The following GRID1 variants were observed in gnomAD, a reference collection of about 807,000 sequenced individuals.
GRID1 encodes glutamate receptor ionotropic, delta-1.
A neutral mutation model predicts 98.0 loss-of-function variants in GRID1; 28 were observed. The ratio of observed to expected loss-of-function variants is 0.29; its 90% CI spans 0.21 to 0.39. The LOEUF is 0.39. Among genes scored for constraint, GRID1 ranks in the 10% least tolerant of loss-of-function variants. The probability of loss-of-function intolerance (pLI) is 1.00; values close to 1 mark genes in which losing one functional copy is unlikely to be tolerated. For missense variants in GRID1, 1,111 were observed against 1,340.5 expected (o/e 0.83, Z 2.67); for synonymous variants, 553 against 538.5 (o/e 1.03, Z -0.37).
chr10:86,191,822 C>G (rs182546694), intron 3 of GRID1, among the ~76,000 whole-genome samples: 1 of 152,188 alleles, frequency 6.6e-6, no homozygotes, highest in East Asian at 1.9e-4. Context: ...ACTCTGCCAG[C>G]ACTTGTCAGT....
At chr10:85,703,741 T>C (rs1841481041) in intron 12 of GRID1, among the ~76,000 whole-genome samples, 1 of 152,064 alleles carries the variant, frequency 6.6e-6, no homozygotes, top group African/African-American at 2.4e-5. Context: ...CCATAAAAAA[T>C]TTGAAATGCA....
chr10:85,908,782 C>T (rs944656894), intron 5 of GRID1, among the ~76,000 whole-genome samples: 3 of 151,994 alleles, frequency 2.0e-5, no homozygotes, highest in African/African-American at 4.8e-5. Flanking sequence ...AATTTCAAAT[C>T]GTATCGTAAA....
chr10:85,633,353 A>C (rs1466223015), intron 13 of GRID1, among the ~76,000 whole-genome samples: 4 of 152,258 alleles, frequency 2.6e-5, no homozygotes, highest in East Asian at 1.9e-4. Context: ...TACGAGAGCC[A>C]AATCCAGTTC....
At chr10:85,930,377 GTTAT>G (rs1458236968) in intron 4 of GRID1, among the ~76,000 whole-genome samples, 1 of 149,664 alleles carries the variant, frequency 6.7e-6, no homozygotes, top group Non-Finnish European at 1.5e-5. Flanking sequence ...TATATTTATA[GTTAT>G]TTATTTGTAG....
At chr10:86,272,433 T>C (rs964914631) in intron 2 of GRID1, among the ~76,000 whole-genome samples, 1 of 152,338 alleles carries the variant, frequency 6.6e-6, no homozygotes, top group Non-Finnish European at 1.5e-5. Flanking sequence ...CATGATGTTA[T>C]GTTGAAGTGG....
At chr10:86,311,199 A>G (rs189038704) in intron 2 of GRID1, among the ~76,000 whole-genome samples, 56 of 152,304 alleles carry the variant, frequency 3.7e-4, no homozygotes, top group Middle Eastern at 6.8e-3. Context: ...TACCATTGAC[A>G]AAAGGAGGGC....
intron 4 of GRID1, among the ~76,000 whole-genome samples, chr10:86,124,168 C>T (rs1362736274): frequency 6.6e-6 from 1 of 152,214 alleles, no homozygotes; most frequent in African/African-American, 2.4e-5. Flanking sequence ...GCAGAGACAA[C>T]ACCTTAACCC....
At chr10:86,127,281 G>C (rs1437030003) in intron 4 of GRID1, among the ~76,000 whole-genome samples, 1 of 152,156 alleles carries the variant, frequency 6.6e-6, no homozygotes, top group Non-Finnish European at 1.5e-5. Flanking sequence ...TCCAGGGATG[G>C]AGCCCATTCT....
At chr10:85,811,736 T>TGAAAAGAGCGAAAA (rs1199850725) in intron 8 of GRID1, among the ~76,000 whole-genome samples, 1 of 152,148 alleles carries the variant, frequency 6.6e-6, no homozygotes, top group Non-Finnish European at 1.5e-5. Flanking sequence ...ATTTGCATTA[T>TGAAAAGAGCGAAAA]GAGCAATCAG....
Position 85,723,234 on chromosome 10 carries a change from C to A in GRID1, c.1859-93G>T, listed in dbSNP as rs562553135. On this transcript the variant is annotated intron_variant, in intron 11 of 15. Coordinates refer to ENST00000327946, the MANE Select transcript of GRID1 (RefSeq NM_017551.3). ...TCTGCCCTGCAGCCAGGCACACAGG[C>A]CATCACTCGTGATGGGCTGGAACCA... The A allele has an allele frequency of 1.5e-4, 191 of 1,288,218 alleles. No homozygotes were observed. In the South Asian group the frequency reaches 2.0e-3, roughly 13 times the overall value. The allele number at this position is 1,288,218 out of a possible 1,614,324, so 79.8% of individuals were successfully genotyped here.
At chr10:85,886,522 C>T (rs918342108) in intron 5 of GRID1, among the ~76,000 whole-genome samples, 1 of 152,134 alleles carries the variant, frequency 6.6e-6, no homozygotes, top group Admixed American at 6.5e-5. Flanking sequence ...GCCAATTTCT[C>T]CAAATACGAG....
At chr10:85,628,271 A>G (rs1417021019) in intron 13 of GRID1, among the ~76,000 whole-genome samples, 1 of 151,458 alleles carries the variant, frequency 6.6e-6, no homozygotes. Context: ...TATGTGTGTG[A>G]ATGTATGTGA....
At chr10:85,990,480 A>G (rs1589327066) in intron 4 of GRID1, among the ~76,000 whole-genome samples, 1 of 152,224 alleles carries the variant, frequency 6.6e-6, no homozygotes. Context: ...CAAATACGTG[A>G]TAGGTGCTAA....
Position 86,041,159 on chromosome 10 carries a change from G to A in GRID1, c.726+97660C>T, listed in dbSNP as rs1402520871. The stretch of plus-strand genomic sequence containing the variant: ...CTTCACTCCACCTATTCATCCACAC[G>A]GAGACCTCCCAGAGCTCCTTGGTCC... On this transcript the variant is annotated intron_variant, in intron 4 of 15. Coordinates refer to ENST00000327946, the MANE Select transcript of GRID1 (RefSeq NM_017551.3). Among the ~76,000 whole-genome samples the A allele has an allele frequency of 3.3e-5, 5 of 152,216 alleles. No homozygotes were observed. The South Asian group carries it at 6.2e-4, about 19-fold the overall frequency.
intron 2 of GRID1, among the ~76,000 whole-genome samples, chr10:86,346,415 G>A (rs1392960294): frequency 6.6e-6 from 1 of 152,206 alleles, no homozygotes; most frequent in Non-Finnish European, 1.5e-5. Context: ...CCTGTGTTTG[G>A]AGGGCAGCTG....
chr10:86,342,551 C>T (rs1848323748), intron 2 of GRID1, among the ~76,000 whole-genome samples: 1 of 152,244 alleles, frequency 6.6e-6, no homozygotes, highest in South Asian at 2.1e-4. Flanking sequence ...GTTATATACC[C>T]AAGGGGGACT....
At chr10:85,714,682 A>G (rs1841618489) in intron 12 of GRID1, among the ~76,000 whole-genome samples, 1 of 152,122 alleles carries the variant, frequency 6.6e-6, no homozygotes, top group Non-Finnish European at 1.5e-5. Flanking sequence ...AATTACACCA[A>G]GGAGGTGAAA....
At chr10:85,670,402 C>T (rs1457029825) in intron 12 of GRID1, among the ~76,000 whole-genome samples, 1 of 152,102 alleles carries the variant, frequency 6.6e-6, no homozygotes, top group African/African-American at 2.4e-5. Context: ...TTAAACAAGC[C>T]CACTGTATTT....
At chr10:86,006,950 G>T (rs1842868604) in intron 4 of GRID1, among the ~76,000 whole-genome samples, 1 of 152,130 alleles carries the variant, frequency 6.6e-6, no homozygotes, top group South Asian at 2.1e-4. Context: ...CATGCCTATA[G>T]AAGGGATGGT....
Sources: gnomAD v4.1 joint callset for allele counts (sites outside exome capture counted in the v4.1 genomes callset) on GRCh38, gnomAD v4.1.1 for gene constraint, MANE v1.5 for transcripts, NCBI Gene and HGNC (gene_info 2026-07-23, HGNC 2026-07-21) for gene names.